The following NEDD4 variants were observed in gnomAD, a reference collection of about 807,000 sequenced individuals.
The protein encoded by NEDD4 is NEDD4 E3 ubiquitin protein ligase.
Under a neutral mutation model 144.9 loss-of-function variants are expected in NEDD4, and 99 were observed. That is an observed-to-expected ratio of 0.68 (90% confidence interval 0.58 to 0.81). NEDD4 has a LOEUF of 0.81. Ranked by LOEUF, NEDD4 falls within the 30% of genes least tolerant of loss-of-function variation. NEDD4 has a pLI of 0.00. For missense variants in NEDD4, 985 were observed against 1,065.9 expected, an observed-to-expected ratio of 0.92 and a Z score of 1.06; for synonymous variants, 318 against 350.6, an observed-to-expected ratio of 0.91 and a Z score of 1.04.
intron 1 of NEDD4, among the ~76,000 whole-genome samples, chr15:55,989,281 T>C (rs1336013522): frequency 1.1e-4 from 16 of 152,194 alleles, no homozygotes; most frequent in Admixed American, 1.0e-3. Context: ...AAAAATACAC[T>C]ATATTTATTC....
intron 5 of NEDD4, among the ~76,000 whole-genome samples, chr15:55,913,526 A>T (rs1203664190): frequency 6.6e-6 from 1 of 152,048 alleles, no homozygotes; most frequent in Non-Finnish European, 1.5e-5. Context: ...AGTCTAATAA[A>T]CATTAAACGG....
chr15:55,975,678 A>C (rs567592181), intron 1 of NEDD4, among the ~76,000 whole-genome samples: 1 of 152,190 alleles, frequency 6.6e-6, no homozygotes, highest in Non-Finnish European at 1.5e-5. Context: ...GATTGGAACA[A>C]TCAATATTGT....
chr15:55,941,765 G>A (rs1248111119), intron 4 of NEDD4, among the ~76,000 whole-genome samples: 1 of 151,998 alleles, frequency 6.6e-6, no homozygotes, highest in African/African-American at 2.4e-5. Context: ...TAGAGGCGGG[G>A]TTTCATCATA....
intron 1 of NEDD4, among the ~76,000 whole-genome samples, chr15:55,979,586 C>G (rs982085701): frequency 6.6e-6 from 1 of 151,658 alleles, no homozygotes; most frequent in Non-Finnish European, 1.5e-5. Flanking sequence ...ATCTCCTGAC[C>G]TCATGATCCA....
Position 55,862,947 on chromosome 15 carries a change from A to C in NEDD4, c.640T>G (p.Ser214Ala), listed in dbSNP as rs1474916534. The C allele has an allele frequency of 6.2e-7, 1 of 1,610,094 alleles. No homozygotes were observed. Among genetic ancestry groups the C allele is most frequent in the African/African-American group, 1.3e-5 (1 of 74,838 alleles). The change falls in exon 9 of 29, where the codon TCT (serine) becomes GCT (alanine). Residue 214 changes from serine to alanine, a missense_variant. Transcript: ENST00000435532. ...GGTCTTTTCCACTGTGTTCTTCTAG[A>C]TTCATGGTTTACATAATAGGTCCTT... ...LGRTYYVNHE[S>A]RRTQWKRPTP...
chr15:55,844,428 A>G (rs1435019225), intron 18 of NEDD4, among the ~76,000 whole-genome samples: 4 of 152,108 alleles, frequency 2.6e-5, no homozygotes, highest in Admixed American at 6.5e-5. Flanking sequence ...GTGAGAGAAG[A>G]CAGAGGGACC....
chr15:55,830,123 C>A (rs1212821381), intron 28 of NEDD4, 124 bp from the exon 29 acceptor site: 1 of 697,792 alleles, frequency 1.4e-6, no homozygotes, highest in Non-Finnish European at 2.4e-6. Flanking sequence ...TGTCTTTTCA[C>A]CAGGGGTAGA....
chr15:55,917,171 C>T (rs1215252076), intron 5 of NEDD4: 4 of 1,048,004 alleles, frequency 3.8e-6, no homozygotes, highest in East Asian at 7.4e-5. Context: ...TCAATTATAC[C>T]TTCTCCAATT....
At chr15:55,955,947 C>T (rs1390834844) in intron 2 of NEDD4, among the ~76,000 whole-genome samples, 2 of 151,594 alleles carry the variant, frequency 1.3e-5, no homozygotes, top group South Asian at 4.2e-4. Flanking sequence ...TCCTGAGTAG[C>T]TGGGACCACA....
chr15:55,979,567 AT>A (rs1216355076), intron 1 of NEDD4, among the ~76,000 whole-genome samples: 4 of 151,142 alleles, frequency 2.6e-5, no homozygotes, highest in African/African-American at 9.7e-5. Context: ...GTTAGCCAGG[AT>A]GGTCTCGATC....
chr15:55,845,002 G>A (rs2033681342), intron 18 of NEDD4, among the ~76,000 whole-genome samples: 1 of 151,922 alleles, frequency 6.6e-6, no homozygotes. Context: ...CTGTTTTGGT[G>A]TTACATGTTC....
chr15:55,976,617 C>G (rs929980478), intron 1 of NEDD4, among the ~76,000 whole-genome samples: 1 of 143,758 alleles, frequency 7.0e-6, no homozygotes, highest in Non-Finnish European at 1.5e-5. Context: ...CTTATCCAAT[C>G]TGGGCAAAAA....
At chr15:55,916,739 A>T in intron 5 of NEDD4, 2 of 1,614,040 alleles carry the variant, frequency 1.2e-6, no homozygotes, top group Non-Finnish European at 8.5e-7. Flanking sequence ...AGCACATGTG[A>T]ACATGGCTAT....
intron 5 of NEDD4, among the ~76,000 whole-genome samples, chr15:55,882,047 C>G (rs1214651721): frequency 6.6e-6 from 1 of 152,152 alleles, no homozygotes; most frequent in East Asian, 1.9e-4. Context: ...ACCAAATGTT[C>G]CAACAAACGT....
At chr15:55,867,764 GT>G in intron 8 of NEDD4, among the ~76,000 whole-genome samples, 1 of 152,274 alleles carries the variant, frequency 6.6e-6, no homozygotes, top group African/African-American at 2.4e-5. Flanking sequence ...AAGAAAAAAG[GT>G]TCTTTCCTGG....
At chr15:55,993,274 T>C (rs1205381298) in intron 1 of NEDD4, among the ~76,000 whole-genome samples, 1 of 152,046 alleles carries the variant, frequency 6.6e-6, no homozygotes, top group Non-Finnish European at 1.5e-5. Context: ...CGGCGGCCGC[T>C]CCGGGAAGGG....
chr15:55,873,988 A>G lies in NEDD4; in HGVS notation c.312T>C (p.Gly104=). 6.5e-7 allele frequency: 1 copy of G among 1,544,638 alleles called. No homozygotes were observed. Among genetic ancestry groups the G allele is most frequent in the South Asian group, 1.2e-5 (1 of 82,272 alleles). The change falls in exon 6 of 29, where the codon GGT becomes GGC. Residue 104 remains glycine, a synonymous_variant. Transcript: ENST00000435532. Reference sequence around the variant, plus strand: ...ATGGATAAAGTGGAACATCCACTTGACCTAGGAAATCATCTCTTGTCTATA... The same window carrying G: ...ATGGATAAAGTGGAACATCCACTTGGCCTAGGAAATCATCTCTTGTCTATA... The part of the protein sequence containing the change: ...ENRLTRDDFL[G]QVDVPLYPLP...
At chr15:55,850,080 G>T (rs369984184) in intron 14 of NEDD4, among the ~76,000 whole-genome samples, 12 of 152,182 alleles carry the variant, frequency 7.9e-5, no homozygotes, top group East Asian at 7.7e-4. Context: ...TTACAGGCAT[G>T]AGCCACTGCA....
intron 21 of NEDD4, 152 bp from the exon 22 acceptor site, chr15:55,838,756 G>A: frequency 1.9e-6 from 1 of 526,704 alleles, no homozygotes; most frequent in Non-Finnish European, 3.3e-6. Context: ...AAAAATGTAT[G>A]TGTGTATGTG....
Sources: gnomAD v4.1 joint callset for allele counts (sites outside exome capture counted in the v4.1 genomes callset) on GRCh38, gnomAD v4.1.1 for gene constraint, MANE v1.5 for transcripts, NCBI Gene and HGNC (gene_info 2026-07-23, HGNC 2026-07-21) for gene names.